Variants in BTNL8 observed in about 807,000 individuals in gnomAD.
BTNL8 encodes the protein butyrophilin like 8.
BTNL8 carries 22 observed loss-of-function variants against 36.1 expected under a neutral mutation model. The ratio of observed to expected loss-of-function variants is 0.61; its 90% confidence interval spans 0.44 to 0.87. BTNL8 has a LOEUF of 0.87. Among genes scored for constraint, BTNL8 ranks in the 40% least tolerant of loss-of-function variants. The pLI is 0.00. For synonymous variants in BTNL8, 203 were observed against 235.6 expected (o/e 0.86, Z 1.27); for missense variants, 526 against 616.9 (o/e 0.85, Z 1.56).
intron 3 of BTNL8, among the ~76,000 whole-genome samples, chr5:180,926,059 G>A (rs1263584926): frequency 6.6e-6 from 1 of 152,174 alleles, no homozygotes; most frequent in African/African-American, 2.4e-5. Flanking sequence ...GAACAGCTGC[G>A]GTCTGCAGCC....
intron 3 of BTNL8, 41 bp downstream of exon 3, chr5:180,911,655 C>A: frequency 6.4e-7 from 1 of 1,553,004 alleles, no homozygotes. Flanking sequence ...GGGGTGGATG[C>A]TTCGGTAACT....
In BTNL8 at chr5:180,906,392, C is replaced by T. The variant is rs1277514193; in HGVS notation, c.50-2194C>T. On this transcript the variant is annotated intron_variant, in intron 1 of 7. Coordinates refer to ENST00000340184, the MANE Select transcript of BTNL8 (RefSeq NM_001040462.3). ...TTGGCTTGGTAGATCTTCCTCCATC[C>T]TTTTATTTTGAGCCTATGTGTGCCT... 1.7e-5 allele frequency among the ~76,000 whole-genome samples: 2 copies of T among 120,840 alleles called. 1 individual carries two copies. The highest frequency in any genetic ancestry group is 3.3e-5 in the Non-Finnish European group (2 of 60,680). The allele number at this position is 120,840 out of a possible 152,430, so 79.3% of individuals were successfully genotyped here.
At position 180,908,682 on chromosome 5, in the gene BTNL8, A is replaced by G; in HGVS notation, c.146A>G (p.Glu49Gly). The change falls in exon 2 of 8, where the codon GAG (glutamate) becomes GGG (glycine). Residue 49 changes from glutamate (E) to glycine (G), a missense_variant. Glu to Gly is a moderately conservative substitution (Grantham distance 98). Around this residue, in one of 2 missense-constraint regions of BTNL8, gnomAD observed 350 missense variants for 324.6 expected, o/e 1.08. Coordinates refer to ENST00000340184, the MANE Select transcript of BTNL8 (RefSeq NM_001040462.3). ...TTCCTGTCTCCTAAGACCAATGCAG[A>G]GGCCATGGAAGTGCGGTTCTTCAGG... ...SCFLSPKTNA[E>G]AMEVRFFRGQ... The G allele has an allele frequency of 6.2e-7, 1 of 1,614,198 alleles. No individual in the cohort carries two copies.
At chr5:180,945,494 CAAAGA>C (rs1397369225) in intron 3 of BTNL8, among the ~76,000 whole-genome samples, 4 of 151,866 alleles carry the variant, frequency 2.6e-5, no homozygotes, top group African/African-American at 9.7e-5. Context: ...TTCTGTACAG[CAAAGA>C]AAACAGTTAA....
intron 3 of BTNL8, among the ~76,000 whole-genome samples, chr5:180,918,101 T>TA (rs2113799457): frequency 6.7e-6 from 1 of 150,258 alleles, no homozygotes; most frequent in Admixed American, 6.6e-5. Context: ...TGCAAAAAAT[T>TA]AAAGATGGGG....
At chr5:180,909,028 AT>A in intron 2 of BTNL8, 95 bp downstream of exon 2, 1 of 1,285,128 alleles carries the variant, frequency 7.8e-7, no homozygotes, top group Non-Finnish European at 1.1e-6. Context: ...ATTTTAGGTC[AT>A]TTAGTTAGAA....
At chr5:180,938,311 T>C (rs1410399659) in intron 3 of BTNL8, among the ~76,000 whole-genome samples, 2 of 152,136 alleles carry the variant, frequency 1.3e-5, no homozygotes, top group African/African-American at 2.4e-5. Context: ...AGCTGAAAAC[T>C]TTGCAAGTCC....
At chr5:180,907,832 G>C (rs1005102925) in intron 1 of BTNL8, among the ~76,000 whole-genome samples, 1 of 151,210 alleles carries the variant, frequency 6.6e-6, no homozygotes, top group Non-Finnish European at 1.5e-5. Context: ...AGGCTGCTCG[G>C]GGGTCAGGGG....
chr5:180,922,823 C>T (rs1757929921), intron 3 of BTNL8, among the ~76,000 whole-genome samples: 2 of 151,898 alleles, frequency 1.3e-5, no homozygotes, highest in African/African-American at 4.8e-5. Flanking sequence ...GTGTGGAAGT[C>T]TAAATCTCTT....
chr5:180,937,931 C>A (rs953280465), intron 3 of BTNL8, among the ~76,000 whole-genome samples: 32 of 64,054 alleles, frequency 5.0e-4, no homozygotes, highest in African/African-American at 2.0e-3. Flanking sequence ...TTAAAAGCCC[C>A]TTTCCCCATT....
chr5:180,942,570 G>A (rs1040881454), intron 3 of BTNL8, among the ~76,000 whole-genome samples: 4 of 152,084 alleles, frequency 2.6e-5, no homozygotes, highest in Admixed American at 6.6e-5. Context: ...CCAAGACAGC[G>A]TGGTACTAGC....
In BTNL8 at chr5:180,949,938, G is replaced by A. The variant is rs914595831; in HGVS notation, c.897G>A (p.Pro299=). The change falls in exon 8 of 8, where the codon CCG becomes CCA. Residue 299 remains proline (P), a synonymous_variant. Transcript: ENST00000340184. ...EVTLDPETAH[P]KLCVSDLKTV... ...CTCTGGATCCAGAGACGGCTCACCC[G>A]AAGCTCTGCGTTTCTGATCTGAAAA... The A allele has an allele frequency of 2.4e-5, 35 of 1,460,146 alleles. 7 individuals carry two copies. The African/African-American group carries it at 2.5e-4, about 10-fold the overall frequency. The allele number at this position is 1,460,146 out of a possible 1,614,324, so 90.4% of individuals were successfully genotyped here.
intron 3 of BTNL8, among the ~76,000 whole-genome samples, chr5:180,927,937 C>T (rs748515012): frequency 6.6e-6 from 1 of 152,132 alleles, no homozygotes; most frequent in African/African-American, 2.4e-5. Context: ...AGAACTTCCC[C>T]AACCTAGTAA....
In BTNL8 at chr5:180,908,941, T is replaced by C; in HGVS notation, c.397+8T>C. ...GGGAGCTACAGGTGTCAGGTCAGTT[T>C]CATATTTCATAACTTAGTTGTCCCA... On this transcript the variant is annotated splice_region_variant and intron_variant, in intron 2 of 7. Coordinates refer to ENST00000340184, the MANE Select transcript of BTNL8 (RefSeq NM_001040462.3). The C allele has an allele frequency of 6.2e-7, 1 of 1,602,808 alleles. No homozygotes were observed. The highest frequency in any genetic ancestry group is 1.1e-5 in the South Asian group (1 of 90,492).
chr5:180,910,543 A>G (rs2892330), intron 2 of BTNL8, among the ~76,000 whole-genome samples: 59,268 of 151,764 alleles, frequency 0.39, 12,128 homozygotes, highest in African/African-American at 0.52. Flanking sequence ...TCCATTCTAT[A>G]AAATCCCTGA....
At chr5:180,941,794 C>G (rs1057453272) in intron 3 of BTNL8, among the ~76,000 whole-genome samples, 1 of 151,750 alleles carries the variant, frequency 6.6e-6, no homozygotes, top group Admixed American at 6.6e-5. Context: ...AGAAATGTAC[C>G]TCAACACAAT....
At chr5:180,918,117 T>A (rs1156686143) in intron 3 of BTNL8, among the ~76,000 whole-genome samples, 5 of 151,278 alleles carry the variant, frequency 3.3e-5, no homozygotes, top group African/African-American at 1.2e-4. Flanking sequence ...TGGGGAATAA[T>A]TCCAAACTCA....
At chr5:180,911,219 T>A (rs1582017816) in intron 2 of BTNL8, 120 bp from the exon 3 acceptor site, 1 of 1,459,590 alleles carries the variant, frequency 6.9e-7, no homozygotes, top group East Asian at 2.3e-5. Context: ...GTCGTGGTTT[T>A]AGTGTTTGTG....
chr5:180,899,438 G>T, intron 1 of BTNL8, 79 bp downstream of exon 1: 1 of 1,477,264 alleles, frequency 6.8e-7, no homozygotes, highest in South Asian at 1.1e-5. Flanking sequence ...ATAATGGAAT[G>T]AAGGCATCTT....
Sources: gnomAD v4.1 joint callset for allele counts (sites outside exome capture counted in the v4.1 genomes callset) on GRCh38, gnomAD v4.1.1 for gene constraint, gnomAD v4.1.1 regional missense constraint, MANE v1.5 for transcripts, NCBI Gene and HGNC (gene_info 2026-07-23, HGNC 2026-07-21) for gene names.